MNAT1: variants seen among roughly 807,000 people sequenced by gnomAD.
MNAT1 encodes the protein MNAT1 component of CDK activating kinase, also known as CDK-activating kinase assembly factor MAT1.
In MNAT1, 43 loss-of-function variants were observed where a neutral mutation model predicts 42.0. That is an observed-to-expected ratio of 1.02 (90% CI 0.80 to 1.32). The LOEUF is 1.32. MNAT1 is among the 40% of genes most tolerant of loss of function. The pLI is 0.00. For synonymous variants in MNAT1, 118 were observed against 120.0 expected, an observed-to-expected ratio of 0.98 and a Z score of 0.11; for missense variants, 306 against 350.4, an observed-to-expected ratio of 0.87 and a Z score of 1.01.
chr14:60,944,376 T>C (rs763709248), intron 7 of MNAT1, among the ~76,000 whole-genome samples: 1 of 152,172 alleles, frequency 6.6e-6, no homozygotes, highest in Non-Finnish European at 1.5e-5. Context: ...TTAATGCCCT[T>C]ATAAGAACAG....
chr14:60,930,245 A>ATTATTATTT, intron 7 of MNAT1, among the ~76,000 whole-genome samples: 1 of 144,884 alleles, frequency 6.9e-6, no homozygotes, highest in Non-Finnish European at 1.5e-5. Flanking sequence ...TATTATTATT[A>ATTATTATTT]TTTGAGTCTA....
chr14:60,825,983 T>C (rs2139375158), intron 6 of MNAT1, among the ~76,000 whole-genome samples: 1 of 152,296 alleles, frequency 6.6e-6, no homozygotes, highest in Non-Finnish European at 1.5e-5. Flanking sequence ...CTTTGAGATG[T>C]GACAGAAAAG....
chr14:60,803,277 G>C (rs1566772568), intron 3 of MNAT1, among the ~76,000 whole-genome samples: 1 of 152,074 alleles, frequency 6.6e-6, no homozygotes, highest in Non-Finnish European at 1.5e-5. Context: ...TTTCTATTTT[G>C]TGTTGTATTC....
chr14:60,963,262 G>A (rs1014329200), intron 7 of MNAT1, among the ~76,000 whole-genome samples: 2 of 152,210 alleles, frequency 1.3e-5, no homozygotes, highest in African/African-American at 4.8e-5. Flanking sequence ...TTACAGGCAT[G>A]AGCCACCACA....
chr14:60,794,921 T>G (rs1442103093), intron 1 of MNAT1, among the ~76,000 whole-genome samples: 1 of 151,970 alleles, frequency 6.6e-6, no homozygotes, highest in Non-Finnish European at 1.5e-5. Flanking sequence ...TGAAGTTTAC[T>G]TAGTGAGTAC....
chr14:60,742,913 C>A (rs982233201), intron 1 of MNAT1, among the ~76,000 whole-genome samples: 2 of 152,200 alleles, frequency 1.3e-5, no homozygotes, highest in African/African-American at 4.8e-5. Flanking sequence ...ACATTTGAGT[C>A]ATTTCTACTT....
At chr14:60,753,149 T>C (rs1279178231) in intron 1 of MNAT1, among the ~76,000 whole-genome samples, 1 of 152,182 alleles carries the variant, frequency 6.6e-6, no homozygotes, top group East Asian at 1.9e-4. Context: ...TCACGGTTCT[T>C]GTGCATCAGG....
At chr14:60,756,783 G>A (rs1202262528) in intron 1 of MNAT1, among the ~76,000 whole-genome samples, 3 of 152,202 alleles carry the variant, frequency 2.0e-5, no homozygotes, top group African/African-American at 7.2e-5. Context: ...ACAAAATAGA[G>A]CCATGTCTAT....
chr14:60,813,717 G>A (rs966381239), intron 5 of MNAT1, among the ~76,000 whole-genome samples: 1 of 152,088 alleles, frequency 6.6e-6, no homozygotes. Context: ...GGGATACTCA[G>A]TCTCTATCCC....
rs1896384824 is a variant in MNAT1, at chr14:60,738,856, A to G, written c.89+3905A>G. ...AGCCTCATTTTGGCTCTTAATGAAA[A>G]ATTTTTTGATAGTTTGTTGAGTTTT... On this transcript the variant is annotated intron_variant, in intron 1 of 7. Transcript: ENST00000261245. Among the ~76,000 whole-genome samples, 2 of 152,064 alleles carry G rather than the reference A, an allele frequency of 1.3e-5. 1 individual carries two copies. Among genetic ancestry groups the G allele is most frequent in the South Asian group, 4.1e-4 (2 of 4,822 alleles).
In MNAT1 at chr14:60,808,306, C is replaced by T. The variant is rs761494318; in HGVS notation, c.317-19C>T. 14 of 1,447,786 alleles carry T rather than the reference C, an allele frequency of 9.7e-6. No individual in the cohort carries two copies. Among genetic ancestry groups the T allele is most frequent in the South Asian group, 5.2e-5 (4 of 77,478 alleles). 89.7% of individuals were successfully genotyped at this position (1,447,786 alleles called of 1,614,324 possible). Reference sequence around the variant, plus strand: ...ATATTAAAAATATTTTTCATGTCATCGTTTCCTTTCTAATGCAGTTTTCAA... The same window carrying T: ...ATATTAAAAATATTTTTCATGTCATTGTTTCCTTTCTAATGCAGTTTTCAA... On this transcript the variant is annotated intron_variant, in intron 3 of 7. Coordinates refer to ENST00000261245, the MANE Select transcript of MNAT1 (RefSeq NM_002431.4).
chr14:60,886,092 G>C (rs2034663250), intron 7 of MNAT1, among the ~76,000 whole-genome samples: 1 of 151,810 alleles, frequency 6.6e-6, no homozygotes, highest in Non-Finnish European at 1.5e-5. Context: ...TTATTTCTGG[G>C]CTCCCTATTC....
chr14:60,746,775 G>C (rs972721478), intron 1 of MNAT1, among the ~76,000 whole-genome samples: 1 of 149,180 alleles, frequency 6.7e-6, no homozygotes, highest in African/African-American at 2.5e-5. Flanking sequence ...GTTACTTACT[G>C]AGCGTAACTT....
At chr14:60,780,287 A>G in intron 1 of MNAT1, 2 of 1,464,524 alleles carry the variant, frequency 1.4e-6, no homozygotes, top group South Asian at 2.3e-5. Context: ...ACAGTTTGAT[A>G]TTGAGTGTGA....
At chr14:60,838,447 T>C (rs774021999) in intron 6 of MNAT1, among the ~76,000 whole-genome samples, 17 of 152,210 alleles carry the variant, frequency 1.1e-4, no homozygotes, top group Non-Finnish European at 1.9e-4. Context: ...TTTTTTTTCC[T>C]ATTAGTCTGT....
chr14:60,902,598 C>T (rs2035092679), intron 7 of MNAT1, among the ~76,000 whole-genome samples: 1 of 152,058 alleles, frequency 6.6e-6, no homozygotes, highest in African/African-American at 2.4e-5. Context: ...AAGCCACCAA[C>T]AACTTAGCTA....
intron 1 of MNAT1, among the ~76,000 whole-genome samples, chr14:60,763,401 A>C (rs2030690321): frequency 6.6e-6 from 1 of 152,138 alleles, no homozygotes; most frequent in Non-Finnish European, 1.5e-5. Context: ...TATGCTCTTT[A>C]TGCTGGAAGA....
chr14:60,854,739 C>T (rs1201115378), intron 6 of MNAT1, among the ~76,000 whole-genome samples: 2 of 152,320 alleles, frequency 1.3e-5, no homozygotes, highest in East Asian at 1.9e-4. Flanking sequence ...GTCTGTTGAC[C>T]TCTGTTGGGA....
chr14:60,823,361 G>A (rs906280360), intron 6 of MNAT1, among the ~76,000 whole-genome samples: 5 of 152,046 alleles, frequency 3.3e-5, no homozygotes, highest in African/African-American at 1.2e-4. Flanking sequence ...TTTTCTTTTT[G>A]CCTGAAGGGG....
Sources: allele counts gnomAD v4.1 joint callset (sites outside exome capture counted in the v4.1 genomes callset), GRCh38; gene constraint gnomAD v4.1.1; transcripts MANE v1.5; gene names NCBI Gene and HGNC (gene_info 2026-07-23, HGNC 2026-07-21).